Variants in RNF20 observed in about 807,000 individuals in gnomAD.
RNF20 encodes the protein ring finger protein 20.
RNF20 carries 84 observed loss-of-function variants against 126.2 expected under a neutral mutation model. The observed-to-expected ratio is 0.67, with a 90% confidence interval of 0.56 to 0.80. The LOEUF (loss-of-function observed/expected upper bound fraction) is 0.80, where lower values mean the gene tolerates loss of function less well. RNF20 is among the 30% of genes least tolerant of loss of function. The probability of loss-of-function intolerance (pLI) is 0.00; values close to 1 mark genes in which losing one functional copy is unlikely to be tolerated. For missense variants in RNF20, 869 were observed against 1,188.2 expected (o/e 0.73, Z 3.95); for synonymous variants, 400 against 414.3 (o/e 0.97, Z 0.42).
At position 101,562,432 on chromosome 9, in the gene RNF20, A is replaced by G. The variant is rs763541292; in HGVS notation, c.*10A>G. On this transcript the variant is annotated 3_prime_UTR_variant, in exon 20 of 20. Coordinates refer to ENST00000389120, the MANE Select transcript of RNF20 (RefSeq NM_019592.7). ...CATCTACATTGGTTGATCTAAGTCA[A>G]GAGAAGAAGAGGAGCTGGCTAGTCA... 12 of 1,607,918 alleles carry G rather than the reference A, an allele frequency of 7.5e-6. No homozygotes were observed. The South Asian group carries it at 9.9e-5, about 13-fold the overall frequency.
intron 5 of RNF20, among the ~76,000 whole-genome samples, chr9:101,542,890 G>C (rs1324773499): frequency 6.6e-6 from 1 of 152,086 alleles, no homozygotes; most frequent in Non-Finnish European, 1.5e-5. Context: ...AATTGCCATT[G>C]GTAAGCTGAA....
At chr9:101,551,637 T>C in intron 10 of RNF20, 47 bp from the exon 11 acceptor site, 1 of 1,502,408 alleles carries the variant, frequency 6.7e-7, no homozygotes, top group Non-Finnish European at 8.9e-7. Flanking sequence ...ATGATATTTC[T>C]ACATTTTAAT....
chr9:101,548,058 C>T (rs1218863771), intron 9 of RNF20, among the ~76,000 whole-genome samples: 1 of 152,082 alleles, frequency 6.6e-6, no homozygotes, highest in East Asian at 1.9e-4. Flanking sequence ...AAAACAATCC[C>T]ATTTACAATA....
rs184704602 is a variant in RNF20 at position 101,558,350 on chromosome 9, A to G, written c.2382+754A>G. ...TCCAATTCCATCCGGATTGCTGTGA[A>G]TGCCATTATTTTGTTCCTTTTTATG... On this transcript the variant is annotated intron_variant, in intron 16 of 19. Transcript: ENST00000389120. Among the ~76,000 whole-genome samples the G allele has an allele frequency of 1.5e-3, 231 of 152,266 alleles. 1 individual carries two copies. Among genetic ancestry groups the G allele is most frequent in the African/African-American group, 5.2e-3 (218 of 41,558 alleles).
At chr9:101,560,990 A>T (rs1345744132) in intron 17 of RNF20, 64 bp downstream of exon 17, 1 of 1,598,682 alleles carries the variant, frequency 6.3e-7, no homozygotes, top group Non-Finnish European at 8.5e-7. Flanking sequence ...CACTGTTGAG[A>T]TTGTAAGTTC....
chr9:101,537,094 A>G (rs1312881098), intron 2 of RNF20, among the ~76,000 whole-genome samples: 1 of 152,186 alleles, frequency 6.6e-6, no homozygotes, highest in Non-Finnish European at 1.5e-5. Context: ...CTGAGTCTCC[A>G]AAGTGTGCTT....
intron 5 of RNF20, among the ~76,000 whole-genome samples, chr9:101,544,413 T>G (rs988979501): frequency 6.6e-6 from 1 of 152,142 alleles, no homozygotes; most frequent in African/African-American, 2.4e-5. Flanking sequence ...GTTTTAAAAT[T>G]TGACACTATA....
intron 2 of RNF20, among the ~76,000 whole-genome samples, chr9:101,537,367 G>A (rs1205194496): frequency 6.6e-6 from 1 of 152,194 alleles, no homozygotes; most frequent in Non-Finnish European, 1.5e-5. Context: ...AGCTAGAGAA[G>A]TGTATGAGAG....
chr9:101,558,752 G>T lies in RNF20; in HGVS notation c.2382+1156G>T, dbSNP rs1053132016. Among the ~76,000 whole-genome samples, 4 of 152,148 alleles carry T rather than the reference G, an allele frequency of 2.6e-5. No homozygotes were observed. In the South Asian group the frequency reaches 8.3e-4, roughly 32 times the overall value. ...CCTTAGCCCACTTTTTGGTGGGATTGTTTGTTTTGTTCTTGCTGATTTGTT... is the reference window on the plus strand; with the variant it reads ...CCTTAGCCCACTTTTTGGTGGGATTTTTTGTTTTGTTCTTGCTGATTTGTT... On this transcript the variant is annotated intron_variant, in intron 16 of 19. Coordinates refer to ENST00000389120, the MANE Select transcript of RNF20 (RefSeq NM_019592.7).
chr9:101,560,618 A>G (rs751548990), intron 16 of RNF20, 183 bp from the exon 17 acceptor site: 28 of 452,380 alleles, frequency 6.2e-5, no homozygotes, highest in Non-Finnish European at 9.2e-5. Flanking sequence ...ACAATATTTT[A>G]TATTAAAAGT....
intron 9 of RNF20, among the ~76,000 whole-genome samples, chr9:101,549,660 C>T (rs1368820982): frequency 6.6e-6 from 1 of 152,128 alleles, no homozygotes; most frequent in Non-Finnish European, 1.5e-5. Context: ...CACGGTCCAC[C>T]TGGTAACGGG....
intron 2 of RNF20, among the ~76,000 whole-genome samples, chr9:101,535,881 A>G (rs1827175212): frequency 6.6e-6 from 1 of 152,202 alleles, no homozygotes; most frequent in African/African-American, 2.4e-5. Flanking sequence ...ATTCTAAGAG[A>G]CAGTTTAGCA....
Position 101,540,962 on chromosome 9 carries a change from G to A in RNF20, c.615G>A (p.Lys205=). Reference sequence around the variant, plus strand: ...AAAAAGTGGAGCTCTTATCCCGGAAGCTAAACAGTGGAGGTGAGGCAAGAC... The same window carrying A: ...AAAAAGTGGAGCTCTTATCCCGGAAACTAAACAGTGGAGGTGAGGCAAGAC... ...LQEKVELLSR[K]LNSGDNLIVE... Residue 205 remains lysine, a synonymous_variant, in exon 5 of 20, where the codon AAG becomes AAA. Coordinates refer to ENST00000389120, the MANE Select transcript of RNF20 (RefSeq NM_019592.7). 1.2e-6 allele frequency: 2 copies of A among 1,614,060 alleles called. No individual in the cohort carries two copies. The highest frequency in any genetic ancestry group is 1.7e-6 in the Non-Finnish European group (2 of 1,179,926).
In RNF20 at chr9:101,552,627, G is replaced by T. The variant is rs1182422649; in HGVS notation, c.1775G>T (p.Arg592Leu). Reference sequence around the variant, plus strand: ...CGGGAGAAGGAGAAGGAGAGAGAACGAGAGAAGCAGAAGCTAAAAGAGTCA... The same window carrying T: ...CGGGAGAAGGAGAAGGAGAGAGAACTAGAGAAGCAGAAGCTAAAAGAGTCA... ...REREKEKERE[R>L]EKQKLKESEK... The change falls in exon 13 of 20, where the codon CGA (arginine) becomes CTA (leucine). Residue 592 changes from arginine (R) to leucine (L), a missense_variant. This residue lies in a region of RNF20 where 231 missense variants were observed against 263.6 expected (regional missense o/e 0.88). Coordinates refer to ENST00000389120, the MANE Select transcript of RNF20 (RefSeq NM_019592.7). 1 of 1,527,148 alleles carries T rather than the reference G, an allele frequency of 6.5e-7. No individual in the cohort carries two copies. Among genetic ancestry groups the T allele is most frequent in the South Asian group, 1.1e-5 (1 of 89,318 alleles). 94.6% of individuals were successfully genotyped at this position (1,527,148 alleles called of 1,614,324 possible). A position where few individuals can be genotyped will look rare whatever the true frequency, so the allele number is the denominator to read the frequency against.
At chr9:101,557,333 A>T (rs1168563495) in intron 15 of RNF20, 51 bp from the exon 16 acceptor site, 1 of 1,392,640 alleles carries the variant, frequency 7.2e-7, no homozygotes, top group African/African-American at 1.4e-5. Context: ...GTGCTCTTCC[A>T]TTGAAGTTGG....
intron 16 of RNF20, among the ~76,000 whole-genome samples, chr9:101,560,308 T>C (rs1228723710): frequency 4.1e-4 from 62 of 152,130 alleles, no homozygotes; most frequent in Non-Finnish European, 1.6e-4. Flanking sequence ...TGAGAAACTG[T>C]TAGAATGGTT....
chr9:101,556,367 A>G (rs1827530004), intron 15 of RNF20, among the ~76,000 whole-genome samples: 1 of 152,206 alleles, frequency 6.6e-6, no homozygotes, highest in Non-Finnish European at 1.5e-5. Flanking sequence ...TTAGAACTGA[A>G]TAGAAACTTG....
In RNF20 at chr9:101,546,776, C is replaced by G. The variant is rs1827353762; in HGVS notation, c.748-44C>G. On this transcript the variant is annotated intron_variant, in intron 6 of 19. Transcript: ENST00000389120. ...AAGGGTTAATATTATGGAATTTGGT[C>G]TTTTTTTGCTATATGTTTCTGAATG... 1.9e-6 allele frequency: 3 copies of G among 1,608,378 alleles called. No homozygotes were observed. In the African/African-American group the frequency reaches 4.0e-5, roughly 22 times the overall value.
chr9:101,558,530 A>G (rs895885066), intron 16 of RNF20, among the ~76,000 whole-genome samples: 1 of 152,188 alleles, frequency 6.6e-6, no homozygotes, highest in East Asian at 1.9e-4. Context: ...CCAACAGTGT[A>G]AAAGTGTTCC....
Sources: allele counts gnomAD v4.1 joint callset (sites outside exome capture counted in the v4.1 genomes callset), GRCh38; gene constraint gnomAD v4.1.1; regional missense constraint gnomAD v4.1.1; transcripts MANE v1.5; gene names NCBI Gene and HGNC (gene_info 2026-07-23, HGNC 2026-07-21).